The following EPHA6 variants were observed in gnomAD, a reference collection of about 807,000 sequenced individuals.
The protein encoded by EPHA6 is ephrin type-A receptor 6.
Under a neutral mutation model 112.0 loss-of-function variants are expected in EPHA6, and 50 were observed. The observed-to-expected ratio is 0.45, with a 90% confidence interval of 0.36 to 0.56. The LOEUF (loss-of-function observed/expected upper bound fraction) is 0.56. EPHA6 is among the 20% of genes least tolerant of loss of function. The pLI is 0.00. For synonymous variants in EPHA6, 529 were observed against 490.7 expected, an observed-to-expected ratio of 1.08 and a Z score of -1.03; for missense variants, 1,280 against 1,417.4, an observed-to-expected ratio of 0.90 and a Z score of 1.56.
chr3:97,705,943 G>A (rs2033655880), intron 14 of EPHA6, among the ~76,000 whole-genome samples: 1 of 152,122 alleles, frequency 6.6e-6, no homozygotes, highest in Non-Finnish European at 1.5e-5. Context: ...TCCTCCAAGA[G>A]CCATCTGCTG....
intron 5 of EPHA6, among the ~76,000 whole-genome samples, chr3:97,262,166 T>C (rs1023254315): frequency 2.0e-5 from 3 of 152,196 alleles, no homozygotes; most frequent in African/African-American, 7.2e-5. Context: ...AGTAAATTTA[T>C]GGACTACAGG....
intron 3 of EPHA6, among the ~76,000 whole-genome samples, chr3:97,213,667 C>T (rs966393622): frequency 8.0e-5 from 11 of 137,126 alleles, no homozygotes; most frequent in African/African-American, 2.1e-4. Context: ...ATCAGCCCAG[C>T]GATACTTCAC....
intron 11 of EPHA6, among the ~76,000 whole-genome samples, chr3:97,560,214 A>C (rs1025796142): frequency 6.6e-6 from 1 of 151,888 alleles, no homozygotes; most frequent in Middle Eastern, 3.2e-3. Flanking sequence ...AAAGTGATAT[A>C]TAAGCACAAA....
chr3:97,543,318 G>T (rs2092895134), intron 11 of EPHA6, among the ~76,000 whole-genome samples: 1 of 152,102 alleles, frequency 6.6e-6, no homozygotes, highest in South Asian at 2.1e-4. Flanking sequence ...CATATGGCTA[G>T]CCAGTTTTCC....
At chr3:97,004,836 T>C (rs2043813063) in intron 3 of EPHA6, among the ~76,000 whole-genome samples, 1 of 150,816 alleles carries the variant, frequency 6.6e-6, no homozygotes, top group Non-Finnish European at 1.5e-5. Context: ...AAGGAAAGTG[T>C]CCAGTTTTTC....
At chr3:97,195,076 T>C (rs2077404587) in intron 3 of EPHA6, among the ~76,000 whole-genome samples, 1 of 152,036 alleles carries the variant, frequency 6.6e-6, no homozygotes, top group South Asian at 2.1e-4. Flanking sequence ...CATTCAATGT[T>C]ATATTAATAA....
intron 3 of EPHA6, among the ~76,000 whole-genome samples, chr3:97,175,896 C>A (rs2076822677): frequency 1.3e-5 from 2 of 151,754 alleles, no homozygotes; most frequent in Admixed American, 1.3e-4. Context: ...CCCTTTATAA[C>A]CTTCTCTTTT....
rs564045085 is a variant in EPHA6, at chr3:97,317,213, T to C, written c.1606+72926T>C. On this transcript the variant is annotated intron_variant, in intron 5 of 17. Coordinates refer to ENST00000389672, the MANE Select transcript of EPHA6 (RefSeq NM_001080448.3). ...CTGTTATGGTTTTCTGCAGGAAAAG[T>C]ATATCTCCCAAAAGAAGATCAACAA... is the stretch of plus-strand genomic sequence containing the variant. Among the ~76,000 whole-genome samples the C allele has an allele frequency of 8.8e-4, 133 of 151,830 alleles. 1 individual carries two copies. The highest frequency in any genetic ancestry group is 3.5e-3 in the South Asian group (17 of 4,810).
At chr3:97,078,728 G>T (rs958105243) in intron 3 of EPHA6, among the ~76,000 whole-genome samples, 2 of 152,088 alleles carry the variant, frequency 1.3e-5, no homozygotes, top group Admixed American at 6.6e-5. Flanking sequence ...TATTTCTGAG[G>T]CCTCTGTTCT....
At chr3:97,413,873 T>TATC (rs1238573527) in intron 6 of EPHA6, among the ~76,000 whole-genome samples, 1 of 152,036 alleles carries the variant, frequency 6.6e-6, no homozygotes, top group Non-Finnish European at 1.5e-5. Context: ...TAGATTATGT[T>TATC]ATCTAACCCT....
intron 15 of EPHA6, among the ~76,000 whole-genome samples, chr3:97,722,086 A>G (rs2034556871): frequency 6.6e-6 from 1 of 152,190 alleles, no homozygotes; most frequent in Non-Finnish European, 1.5e-5. Flanking sequence ...TTCACTGCAC[A>G]GAAGAGTCTT....
chr3:97,071,537 A>G (rs2046357811), intron 3 of EPHA6, among the ~76,000 whole-genome samples: 1 of 151,938 alleles, frequency 6.6e-6, no homozygotes. Context: ...GGAAGAAGCA[A>G]AAGCAGAAAC....
intron 2 of EPHA6, among the ~76,000 whole-genome samples, chr3:96,965,684 C>T (rs897042588): frequency 1.3e-5 from 2 of 151,970 alleles, no homozygotes; most frequent in African/African-American, 2.4e-5. Context: ...CAATTTTTCT[C>T]TTTATATTTT....
intron 2 of EPHA6, among the ~76,000 whole-genome samples, chr3:96,925,736 G>A (rs972053434): frequency 1.3e-5 from 2 of 151,750 alleles, no homozygotes; most frequent in African/African-American, 2.4e-5. Context: ...CTTCTGAGTA[G>A]CTGGGATTAC....
intron 1 of EPHA6, among the ~76,000 whole-genome samples, chr3:96,830,146 A>AATACT (rs2033966091): frequency 1.3e-5 from 2 of 152,148 alleles, no homozygotes; most frequent in Non-Finnish European, 2.9e-5. Flanking sequence ...AATTCAGGTC[A>AATACT]TATTACATTA....
intron 10 of EPHA6, among the ~76,000 whole-genome samples, chr3:97,523,321 C>T (rs2092571308): frequency 6.6e-6 from 1 of 152,076 alleles, no homozygotes; most frequent in East Asian, 1.9e-4. Flanking sequence ...TTAATTTCCA[C>T]ATATTTGTGA....
rs115204068 is a variant in EPHA6 at position 97,339,587 on chromosome 3, A to G, written c.1607-65563A>G. ...CTTACTATTTTGATCACCCCAGGCAAGTTACCTTGTGTCTCTGTGAAAAAG... is the reference window on the plus strand; with the variant it reads ...CTTACTATTTTGATCACCCCAGGCAGGTTACCTTGTGTCTCTGTGAAAAAG... On this transcript the variant is annotated intron_variant, in intron 5 of 17. Transcript: ENST00000389672. 5.1e-3 allele frequency among the ~76,000 whole-genome samples: 775 copies of G among 152,310 alleles called. 14 individuals are homozygous for G. The highest frequency in any genetic ancestry group is 0.018 in the African/African-American group (744 of 41,572).
chr3:97,346,773 C>T (rs2083554573), intron 5 of EPHA6, among the ~76,000 whole-genome samples: 1 of 151,620 alleles, frequency 6.6e-6, no homozygotes, highest in Admixed American at 6.6e-5. Flanking sequence ...TATTCTAGGA[C>T]ATAGTCATGG....
At chr3:96,912,846 C>G (rs2039286263) in intron 2 of EPHA6, among the ~76,000 whole-genome samples, 1 of 152,058 alleles carries the variant, frequency 6.6e-6, no homozygotes, top group Non-Finnish European at 1.5e-5. Flanking sequence ...CCTGCCTTGG[C>G]CTTCCAAAAT....
Sources: gnomAD v4.1 joint callset for allele counts (sites outside exome capture counted in the v4.1 genomes callset) on GRCh38, gnomAD v4.1.1 for gene constraint, MANE v1.5 for transcripts, NCBI Gene and HGNC (gene_info 2026-07-23, HGNC 2026-07-21) for gene names.